Variants in TMEM117 observed in about 807,000 individuals in gnomAD.
TMEM117 encodes the protein transmembrane protein 117.
In TMEM117, 27 loss-of-function variants were observed where a neutral mutation model predicts 52.4. The observed-to-expected ratio is 0.51, with a 90% CI of 0.38 to 0.71. The LOEUF (loss-of-function observed/expected upper bound fraction) is 0.71, where lower values mean the gene tolerates loss of function less well. Among genes scored for constraint, TMEM117 ranks in the 30% least tolerant of loss-of-function variants. The pLI, the probability that TMEM117 is intolerant of heterozygous loss-of-function variation, is 0.00. For missense variants in TMEM117, 556 were observed against 630.5 expected (o/e 0.88, Z 1.26); for synonymous variants, 215 against 206.3 (o/e 1.04, Z -0.36).
At chr12:44,261,735 G>A (rs1950322955) in intron 5 of TMEM117, among the ~76,000 whole-genome samples, 1 of 152,182 alleles carries the variant, frequency 6.6e-6, no homozygotes, top group Admixed American at 6.5e-5. Flanking sequence ...CCAGTTTAGT[G>A]GTAAATTGAG....
chr12:43,799,739 T>C, the TMEM117 span, among the ~76,000 whole-genome samples: 2 of 152,130 alleles, frequency 1.3e-5, no homozygotes, highest in Admixed American at 6.5e-5. Flanking sequence ...ATATTTTGTA[T>C]GAGTTTCATA....
At chr12:43,844,103 A>G (rs557762903) in intron 1 of TMEM117, among the ~76,000 whole-genome samples, 1 of 152,352 alleles carries the variant, frequency 6.6e-6, no homozygotes, top group East Asian at 1.9e-4. Flanking sequence ...TGGGAACTTT[A>G]GGTGGGCAGA....
chr12:44,261,004 G>A (rs749395626), intron 5 of TMEM117, among the ~76,000 whole-genome samples: 2 of 152,122 alleles, frequency 1.3e-5, no homozygotes, highest in Non-Finnish European at 2.9e-5. Context: ...TGATAACTAT[G>A]TCCTTTACAG....
chr12:44,265,729 G>A (rs534957739), intron 5 of TMEM117, among the ~76,000 whole-genome samples: 60 of 151,972 alleles, frequency 3.9e-4, no homozygotes, highest in African/African-American at 1.7e-4. Flanking sequence ...CAAAAGAAAC[G>A]CCCTACCTAT....
intron 3 of TMEM117, among the ~76,000 whole-genome samples, chr12:43,995,426 C>T (rs1946012288): frequency 6.6e-6 from 1 of 152,090 alleles, no homozygotes; most frequent in Non-Finnish European, 1.5e-5. Flanking sequence ...TTAGTGTTTA[C>T]ACAGGGATTG....
At chr12:43,980,899 C>G (rs1353709202) in intron 3 of TMEM117, among the ~76,000 whole-genome samples, 1 of 152,170 alleles carries the variant, frequency 6.6e-6, no homozygotes, top group East Asian at 1.9e-4. Context: ...TTGTGGGTAA[C>G]AAACATTGTT....
intron 5 of TMEM117, among the ~76,000 whole-genome samples, chr12:44,262,552 A>G (rs566233704): frequency 6.6e-6 from 1 of 152,192 alleles, no homozygotes; most frequent in Non-Finnish European, 1.5e-5. Context: ...AGAGTAAAAA[A>G]GTTTCATGTG....
At position 44,042,830 on chromosome 12, in the gene TMEM117, G is replaced by A. The variant is rs1234621419; in HGVS notation, c.410+98488G>A. Among the ~76,000 whole-genome samples the A allele has an allele frequency of 2.0e-5, 3 of 149,910 alleles. 1 individual carries two copies. Among genetic ancestry groups the A allele is most frequent in the South Asian group, 2.1e-4 (1 of 4,760 alleles). On this transcript the variant is annotated intron_variant, in intron 3 of 7. Coordinates refer to ENST00000266534, the MANE Select transcript of TMEM117 (RefSeq NM_032256.3). Reference sequence around the variant, plus strand: ...CACACTTATTAGTTCTGCCCCTCTAGGGAATCCTGAGTAATATTGATTTTG... The same window carrying A: ...CACACTTATTAGTTCTGCCCCTCTAAGGAATCCTGAGTAATATTGATTTTG...
intron 3 of TMEM117, among the ~76,000 whole-genome samples, chr12:44,074,881 GT>G (rs1358497521): frequency 1.3e-5 from 2 of 152,074 alleles, no homozygotes; most frequent in Non-Finnish European, 2.9e-5. Context: ...TTGCTTCGTG[GT>G]AATTTAGACA....
At chr12:43,944,132 G>A in intron 2 of TMEM117, 78 bp from the exon 3 acceptor site, 2 of 1,280,668 alleles carry the variant, frequency 1.6e-6, no homozygotes, top group South Asian at 1.5e-5. Flanking sequence ...GACATTAAAA[G>A]ATTCATTAAA....
At chr12:43,902,137 G>A (rs1437038962) in intron 2 of TMEM117, among the ~76,000 whole-genome samples, 1 of 152,172 alleles carries the variant, frequency 6.6e-6, no homozygotes, top group Non-Finnish European at 1.5e-5. Flanking sequence ...CACACCTGAC[G>A]GTGTTAACTG....
At chr12:44,114,070 G>T (rs1450473181) in intron 3 of TMEM117, among the ~76,000 whole-genome samples, 1 of 147,992 alleles carries the variant, frequency 6.8e-6, no homozygotes, top group Non-Finnish European at 1.5e-5. Flanking sequence ...TTCGGCTCGC[G>T]CACGGTGCGC....
chr12:44,199,841 G>T (rs1949470069), intron 4 of TMEM117, among the ~76,000 whole-genome samples: 1 of 152,080 alleles, frequency 6.6e-6, no homozygotes, highest in African/African-American at 2.4e-5. Context: ...TTAGCAGCCG[G>T]GCTTGGTGGC....
intron 5 of TMEM117, among the ~76,000 whole-genome samples, chr12:44,269,560 G>A (rs776386832): frequency 1.3e-4 from 20 of 149,970 alleles, no homozygotes; most frequent in East Asian, 5.9e-4. Flanking sequence ...TCTCTACCTC[G>A]TCTCCCTTCC....
intron 3 of TMEM117, among the ~76,000 whole-genome samples, chr12:43,972,499 G>A (rs566794825): frequency 7.2e-5 from 11 of 152,326 alleles, no homozygotes; most frequent in East Asian, 3.9e-4. Flanking sequence ...GTGGGTTGCC[G>A]CTGGTGGCTG....
intron 5 of TMEM117, 32 bp from the exon 6 acceptor site, chr12:44,299,548 A>C (rs778524496): frequency 6.2e-7 from 1 of 1,611,480 alleles, no homozygotes; most frequent in Admixed American, 1.7e-5. Context: ...TTTATGCCTT[A>C]TGTTCTTTAA....
intron 4 of TMEM117, among the ~76,000 whole-genome samples, chr12:44,153,663 A>C (rs1218981976): frequency 6.6e-6 from 1 of 152,084 alleles, no homozygotes; most frequent in Non-Finnish European, 1.5e-5. Flanking sequence ...TAGATATTGC[A>C]GTTCCTGGTT....
chr12:44,289,840 C>G (rs1950683315), intron 5 of TMEM117, among the ~76,000 whole-genome samples: 2 of 152,070 alleles, frequency 1.3e-5, no homozygotes, highest in Admixed American at 6.6e-5. Context: ...TGCACTGAGT[C>G]TAGGGATCCC....
intron 3 of TMEM117, among the ~76,000 whole-genome samples, chr12:44,138,670 G>C (rs904690711): frequency 2.0e-5 from 3 of 152,162 alleles, no homozygotes; most frequent in Non-Finnish European, 4.4e-5. Context: ...ACAGGCTACA[G>C]CTAACAATTG....
Sources: allele counts gnomAD v4.1 joint callset (sites outside exome capture counted in the v4.1 genomes callset), GRCh38; gene constraint gnomAD v4.1.1; transcripts MANE v1.5; gene names NCBI Gene and HGNC (gene_info 2026-07-23, HGNC 2026-07-21).